GCNT1: variants seen among roughly 807,000 people sequenced by gnomAD.
The protein encoded by GCNT1 is glucosaminyl (N-acetyl) transferase 1, also known as beta-1,3-galactosyl-O-glycosyl-glycoprotein beta-1,6-N-acetylglucosaminyltransferase.
A neutral mutation model predicts 26.2 loss-of-function variants in GCNT1; 16 were observed. That is an observed-to-expected ratio of 0.61 (90% CI 0.41 to 0.93). The LOEUF (loss-of-function observed/expected upper bound fraction) is 0.93. GCNT1 is among the 40% of genes least tolerant of loss of function. The pLI is 0.00. For missense variants in GCNT1, 477 were observed against 526.7 expected (o/e 0.91, Z 0.92); for synonymous variants, 183 against 190.8 (o/e 0.96, Z 0.34).
At position 76,447,867 on chromosome 9, in the gene GCNT1, C is replaced by T. The variant is rs896716550; in HGVS notation, c.-290+5552C>T. ...TCCCTGTGTCCAGTACGCCCTGACC[C>T]TGTCATCTTCCTTTGCTGTGCTGGA... On this transcript the variant is annotated intron_variant, in intron 1 of 2. Coordinates refer to the GCNT1 transcript ENST00000442371. Among the ~76,000 whole-genome samples, 10 of 152,088 alleles carry T rather than the reference C, an allele frequency of 6.6e-5. 1 individual carries two copies. The highest frequency in any genetic ancestry group is 2.4e-4 in the African/African-American group (10 of 41,414).
At chr9:76,399,029 C>G in the GCNT1 span, 1 of 1,591,808 alleles carries the variant, frequency 6.3e-7, no homozygotes, top group Admixed American at 1.7e-5. Context: ...CTTCACTAAC[C>G]AGATCCAGGC....
chr9:76,464,021 C>T (rs1823939133), intron 2 of GCNT1, among the ~76,000 whole-genome samples: 1 of 149,628 alleles, frequency 6.7e-6, no homozygotes, highest in African/African-American at 2.5e-5. Context: ...CATAGCGAGA[C>T]TCCCATCTCT....
upstream of GCNT1, among the ~76,000 whole-genome samples, chr9:76,416,935 C>A (rs1004424765): frequency 1.3e-5 from 2 of 152,026 alleles, no homozygotes; most frequent in African/African-American, 4.8e-5. Flanking sequence ...TGGTGGGCAC[C>A]TGTAATCTCA....
the GCNT1 span, among the ~76,000 whole-genome samples, chr9:76,413,995 C>A: frequency 6.6e-6 from 1 of 152,128 alleles, no homozygotes; most frequent in Non-Finnish European, 1.5e-5. Context: ...TACTAATAAG[C>A]CCATCAAAGG....
At chr9:76,399,512 G>A in the GCNT1 span, 5 of 1,588,408 alleles carry the variant, frequency 3.1e-6, no homozygotes, top group Non-Finnish European at 3.4e-6. Context: ...CGCTCAGCCT[G>A]CCACGGAAGA....
chr9:76,451,052 CTT>C (rs1331653504), intron 1 of GCNT1, among the ~76,000 whole-genome samples: 11 of 152,194 alleles, frequency 7.2e-5, no homozygotes, highest in African/African-American at 2.4e-5. Flanking sequence ...AGGAGCCACA[CTT>C]TCTTTTTTTC....
At chr9:76,483,492 G>A (rs186707290) in intron 2 of GCNT1, among the ~76,000 whole-genome samples, 8 of 151,802 alleles carry the variant, frequency 5.3e-5, no homozygotes, top group East Asian at 3.9e-4. Flanking sequence ...ATAGCTCACC[G>A]CAGCCTCGAA....
At chr9:76,423,305 A>G (rs1823222408) in intron 1 of GCNT1, among the ~76,000 whole-genome samples, 1 of 152,200 alleles carries the variant, frequency 6.6e-6, no homozygotes, top group Non-Finnish European at 1.5e-5. Flanking sequence ...TGTTTTGGTC[A>G]TGAGAATTCC....
chr9:76,436,890 T>C (rs1397323346), upstream of GCNT1, among the ~76,000 whole-genome samples: 1 of 152,016 alleles, frequency 6.6e-6, no homozygotes, highest in Non-Finnish European at 1.5e-5. Flanking sequence ...TTCTCACTCA[T>C]AGGTGGGAAT....
chr9:76,476,908 T>A (rs1824265186), intron 2 of GCNT1, among the ~76,000 whole-genome samples: 1 of 152,122 alleles, frequency 6.6e-6, no homozygotes, highest in Non-Finnish European at 1.5e-5. Context: ...CTTAAATTAA[T>A]TTTATTTATT....
At chr9:76,495,308 C>T (rs570766003) in intron 2 of GCNT1, among the ~76,000 whole-genome samples, 1 of 152,284 alleles carries the variant, frequency 6.6e-6, no homozygotes, top group African/African-American at 2.4e-5. Context: ...GGAGTCTCTT[C>T]TTTCCATTGA....
At chr9:76,413,642 TG>T in the GCNT1 span, among the ~76,000 whole-genome samples, 1 of 83,856 alleles carries the variant, frequency 1.2e-5, no homozygotes. Context: ...GGGTTTTTTT[TG>T]TTTTGTTTTG....
chr9:76,425,544 G>A (rs928745194), intron 1 of GCNT1, among the ~76,000 whole-genome samples: 82 of 151,998 alleles, frequency 5.4e-4, no homozygotes, highest in Admixed American at 5.1e-3. Context: ...TTTAAAATAC[G>A]TATTATTTAC....
intron 2 of GCNT1, among the ~76,000 whole-genome samples, chr9:76,479,513 C>T (rs898580978): frequency 2.7e-4 from 41 of 152,344 alleles, no homozygotes; most frequent in African/African-American, 9.9e-4. Context: ...CACATCCTCT[C>T]CAGCACCTGT....
intron 1 of GCNT1, among the ~76,000 whole-genome samples, chr9:76,434,327 G>A (rs1823377582): frequency 6.6e-6 from 1 of 152,144 alleles, no homozygotes; most frequent in Admixed American, 6.5e-5. Context: ...TCATGTTCAG[G>A]ACTCACTATT....
chr9:76,483,933 A>G (rs1227995786), intron 2 of GCNT1, among the ~76,000 whole-genome samples: 1 of 152,118 alleles, frequency 6.6e-6, no homozygotes, highest in Non-Finnish European at 1.5e-5. Flanking sequence ...TCCCGCCTCA[A>G]CCTTCCAAGT....
chr9:76,438,799 G>GAA (rs113875725), upstream of GCNT1, among the ~76,000 whole-genome samples: 164 of 135,194 alleles, frequency 1.2e-3, 1 homozygote, highest in African/African-American at 3.7e-3. Flanking sequence ...TAGCCAATGA[G>GAA]AAAAAAAAAA....
In GCNT1 at chr9:76,506,663, T is replaced by C; in HGVS notation, c.*2995T>C. 6.0e-6 allele frequency: 1 copy of C among 167,210 alleles called. No homozygotes were observed. The allele number at this position is 167,210 out of a possible 1,614,324, so 10.4% of individuals were successfully genotyped here. On this transcript the variant is annotated 3_prime_UTR_variant, in exon 4 of 4. Transcript: ENST00000376730. Reference sequence around the variant, plus strand: ...AAGGAAAAGAGTTAATAAAAATTGTTCTTTATTTTACAGGCAGTTACTGAG... The same window carrying C: ...AAGGAAAAGAGTTAATAAAAATTGTCCTTTATTTTACAGGCAGTTACTGAG...
intron 1 of GCNT1, among the ~76,000 whole-genome samples, chr9:76,428,941 C>G (rs1823296907): frequency 6.6e-6 from 1 of 152,148 alleles, no homozygotes; most frequent in South Asian, 2.1e-4. Flanking sequence ...CTCAGGTGAT[C>G]TGTCTGCCTT....
Sources: allele counts gnomAD v4.1 joint callset (sites outside exome capture counted in the v4.1 genomes callset), GRCh38; gene constraint gnomAD v4.1.1; transcripts MANE v1.5; gene names NCBI Gene and HGNC (gene_info 2026-07-23, HGNC 2026-07-21).